Variants in RSU1 observed in about 807,000 individuals in gnomAD.
RSU1 encodes the protein rsu-1.
RSU1 carries 26 observed loss-of-function variants against 31.1 expected under a neutral mutation model. The ratio of observed to expected loss-of-function variants is 0.84; its 90% confidence interval spans 0.61 to 1.16. The LOEUF is 1.16. RSU1 is among the 50% of genes most tolerant of loss of function. RSU1 has a pLI of 0.00. For missense variants in RSU1, 320 were observed against 339.1 expected, an observed-to-expected ratio of 0.94 and a Z score of 0.44; for synonymous variants, 164 against 136.3, an observed-to-expected ratio of 1.20 and a Z score of -1.41.
chr10:16,796,197 T>C (rs1190872909), intron 2 of RSU1, among the ~76,000 whole-genome samples: 1 of 152,176 alleles, frequency 6.6e-6, no homozygotes, highest in Non-Finnish European at 1.5e-5. Context: ...CCATTATTTT[T>C]AACCTTGGAT....
Position 16,592,578 on chromosome 10 carries a change from C to G in RSU1, c.*816G>C, listed in dbSNP as rs909663652. On this transcript the variant is annotated 3_prime_UTR_variant, in exon 9 of 9. Coordinates refer to ENST00000345264, the MANE Select transcript of RSU1 (RefSeq NM_012425.4). The stretch of plus-strand genomic sequence containing the variant: ...AAAATACACAGTTGAGGTTTTTTCT[C>G]TCTCTCTTTCACAGTTCTTGTCTAC... 7.9e-5 allele frequency: 12 copies of G among 152,130 alleles called. No individual in the cohort carries two copies. The highest frequency in any genetic ancestry group is 1.5e-4 in the Non-Finnish European group (10 of 68,034). The allele number at this position is 152,130 out of a possible 1,614,324, so 9.4% of individuals were successfully genotyped here.
At chr10:16,623,143 C>T (rs1307568424) in intron 8 of RSU1, among the ~76,000 whole-genome samples, 2 of 152,094 alleles carry the variant, frequency 1.3e-5, no homozygotes, top group Admixed American at 6.5e-5. Flanking sequence ...TGACCATGTA[C>T]TGAGAATAGT....
chr10:16,631,387 C>A (rs1013528153), intron 8 of RSU1, among the ~76,000 whole-genome samples: 3 of 152,156 alleles, frequency 2.0e-5, no homozygotes, highest in Non-Finnish European at 4.4e-5. Flanking sequence ...TCAGAGAGTG[C>A]GCTTGTCCAG....
intron 7 of RSU1, among the ~76,000 whole-genome samples, chr10:16,732,026 C>T (rs571744944): frequency 3.2e-4 from 48 of 152,248 alleles, no homozygotes; most frequent in Middle Eastern, 6.8e-3. Context: ...TGAGAACCAA[C>T]TGGGCTAAAT....
At chr10:16,814,094 G>C (rs1838470725) in intron 2 of RSU1, among the ~76,000 whole-genome samples, 1 of 152,162 alleles carries the variant, frequency 6.6e-6, no homozygotes, top group African/African-American at 2.4e-5. Flanking sequence ...CTGTGTTTAA[G>C]CTGGATACTA....
intron 7 of RSU1, among the ~76,000 whole-genome samples, chr10:16,731,166 T>A (rs917632976): frequency 6.6e-5 from 10 of 152,212 alleles, no homozygotes; most frequent in Admixed American, 6.5e-4. Flanking sequence ...TGTCATTTTA[T>A]GTTCCATCAT....
chr10:16,600,848 C>T (rs1157206339), intron 8 of RSU1, among the ~76,000 whole-genome samples: 1 of 152,154 alleles, frequency 6.6e-6, no homozygotes, highest in Non-Finnish European at 1.5e-5. Flanking sequence ...AGGTGTAACC[C>T]ACAGCGCCTG....
chr10:16,794,550 T>C (rs1401865707), intron 2 of RSU1, among the ~76,000 whole-genome samples: 1 of 152,222 alleles, frequency 6.6e-6, no homozygotes, highest in Non-Finnish European at 1.5e-5. Context: ...ATCATGGTTA[T>C]AGAATGTTGG....
At chr10:16,622,680 G>A (rs112936044) in intron 8 of RSU1, among the ~76,000 whole-genome samples, 129 of 152,228 alleles carry the variant, frequency 8.5e-4, no homozygotes, top group African/African-American at 2.9e-3. Flanking sequence ...TGAAAGATGA[G>A]CCTAAATCTA....
Position 16,754,944 on chromosome 10 carries a change from T to C in RSU1, c.327A>G (p.Pro109=), listed in dbSNP as rs1236402078. ...ACGTCAAGTCCAGAACCTCAAGAGC[T>C]GGCAGGGAGCCGAAGCCTCGTGGCA... ...NTLPRGFGSL[P]ALEVLDLTYN... Residue 109 remains proline (P), a synonymous_variant, in exon 5 of 9, where the codon CCA becomes CCG. Coordinates refer to ENST00000345264, the MANE Select transcript of RSU1 (RefSeq NM_012425.4). The C allele has an allele frequency of 1.2e-6, 2 of 1,613,778 alleles. No homozygotes were observed. Among genetic ancestry groups the C allele is most frequent in the Non-Finnish European group, 8.5e-7 (1 of 1,179,864 alleles).
At chr10:16,752,773 G>T in intron 6 of RSU1, 120 bp from the exon 7 acceptor site, 1 of 1,020,534 alleles carries the variant, frequency 9.8e-7, no homozygotes, top group Non-Finnish European at 1.5e-6. Context: ...ATTTACAAGT[G>T]CCGGCGGATA....
At chr10:16,676,216 T>C (rs947808432) in intron 8 of RSU1, among the ~76,000 whole-genome samples, 1 of 152,222 alleles carries the variant, frequency 6.6e-6, no homozygotes, top group African/African-American at 2.4e-5. Context: ...TACCCACGAC[T>C]GAGTAGTTTA....
At chr10:16,618,720 A>C (rs1330115401) in intron 8 of RSU1, among the ~76,000 whole-genome samples, 2 of 152,198 alleles carry the variant, frequency 1.3e-5, no homozygotes, top group East Asian at 3.8e-4. Context: ...CAGCAAACTA[A>C]CACAGAAACA....
At chr10:16,749,703 G>T (rs566121758) in intron 7 of RSU1, among the ~76,000 whole-genome samples, 1 of 152,192 alleles carries the variant, frequency 6.6e-6, no homozygotes, top group African/African-American at 2.4e-5. Context: ...GGCTTGGAAA[G>T]GGCCAGCAAT....
At chr10:16,730,278 T>C (rs534973480) in intron 7 of RSU1, among the ~76,000 whole-genome samples, 3 of 152,274 alleles carry the variant, frequency 2.0e-5, no homozygotes, top group South Asian at 4.1e-4. Flanking sequence ...CCTCCAGCAC[T>C]GGGGATCAAA....
chr10:16,685,187 T>C (rs1835418247), intron 8 of RSU1, among the ~76,000 whole-genome samples: 1 of 152,082 alleles, frequency 6.6e-6, no homozygotes, highest in African/African-American at 2.4e-5. Context: ...GAGGCAAAGG[T>C]TGCAGTGAGC....
intron 2 of RSU1, among the ~76,000 whole-genome samples, chr10:16,795,833 A>C (rs1357723163): frequency 6.6e-6 from 1 of 151,998 alleles, no homozygotes; most frequent in Non-Finnish European, 1.5e-5. Context: ...AACCCCCCGG[A>C]CCCCTAAACA....
chr10:16,753,090 T>C, intron 5 of RSU1, 90 bp from the exon 6 acceptor site: 2 of 957,710 alleles, frequency 2.1e-6, no homozygotes, highest in East Asian at 2.5e-5. Flanking sequence ...CTTTGATTAA[T>C]AACCCTGGCT....
intron 2 of RSU1, among the ~76,000 whole-genome samples, chr10:16,814,469 G>A (rs3858183): frequency 0.22 from 25,963 of 116,604 alleles, 3,093 homozygotes; most frequent in East Asian, 0.5. Context: ...AAAAAAAAAA[G>A]AAAAAAAAAT....
Sources: allele counts gnomAD v4.1 joint callset (sites outside exome capture counted in the v4.1 genomes callset), GRCh38; gene constraint gnomAD v4.1.1; transcripts MANE v1.5; gene names NCBI Gene and HGNC (gene_info 2026-07-23, HGNC 2026-07-21).